The following RBMS3 variants were observed in gnomAD, a reference collection of about 807,000 sequenced individuals.
The protein encoded by RBMS3 is RNA binding motif single stranded interacting protein 3.
RBMS3 carries 27 observed loss-of-function variants against 66.8 expected under a neutral mutation model. The ratio of observed to expected loss-of-function variants is 0.40; its 90% CI spans 0.30 to 0.56. RBMS3 has a LOEUF of 0.56. Ranked by LOEUF, RBMS3 falls within the 20% of genes least tolerant of loss-of-function variation. RBMS3 has a pLI of 0.40. For synonymous variants in RBMS3, 188 were observed against 183.0 expected (o/e 1.03, Z -0.22); for missense variants, 513 against 549.5 (o/e 0.93, Z 0.66).
At chr3:29,516,587 T>C (rs2044636531) in intron 3 of RBMS3, among the ~76,000 whole-genome samples, 1 of 152,034 alleles carries the variant, frequency 6.6e-6, no homozygotes, top group Admixed American at 6.6e-5. Context: ...GGAACACAGG[T>C]GCATGCCACC....
At chr3:29,453,042 G>GA (rs2042065601) in intron 2 of RBMS3, among the ~76,000 whole-genome samples, 1 of 152,130 alleles carries the variant, frequency 6.6e-6, no homozygotes, top group Non-Finnish European at 1.5e-5. Context: ...ATACATTGGA[G>GA]AAAATCTACA....
intron 10 of RBMS3, chr3:29,926,971 AT>A: frequency 6.6e-6 from 1 of 152,220 alleles, no homozygotes; most frequent in Non-Finnish European, 1.5e-5. Context: ...CTTAACCTAC[AT>A]TTGTGGCAGT....
At chr3:29,363,426 G>A (rs2037717115) in intron 1 of RBMS3, among the ~76,000 whole-genome samples, 4 of 152,120 alleles carry the variant, frequency 2.6e-5, no homozygotes, top group Admixed American at 2.6e-4. Flanking sequence ...AATGTGAAAA[G>A]GATGATGAAG....
intron 12 of RBMS3, among the ~76,000 whole-genome samples, chr3:29,946,598 A>G (rs59524802): frequency 0.018 from 2,671 of 151,724 alleles, 95 homozygotes; most frequent in African/African-American, 0.061. Context: ...TCGTGATGTG[A>G]AATGCATAAA....
intron 1 of RBMS3, among the ~76,000 whole-genome samples, chr3:29,358,951 G>C (rs1345663583): frequency 1.3e-5 from 2 of 152,182 alleles, no homozygotes; most frequent in East Asian, 3.8e-4. Context: ...TTTGGGCTGA[G>C]ATGATGGGGT....
intron 1 of RBMS3, among the ~76,000 whole-genome samples, chr3:29,312,525 T>G (rs1221648850): frequency 6.6e-6 from 1 of 151,784 alleles, no homozygotes; most frequent in African/African-American, 2.4e-5. Context: ...ACCACAAATT[T>G]AAATCACTAA....
intron 6 of RBMS3, among the ~76,000 whole-genome samples, chr3:29,792,903 A>G (rs536515130): frequency 6.6e-6 from 1 of 152,304 alleles, no homozygotes; most frequent in Admixed American, 6.5e-5. Flanking sequence ...TGGACATGAC[A>G]TCCAAGTTAA....
At chr3:29,933,619 T>G (rs1166007177) in intron 10 of RBMS3, among the ~76,000 whole-genome samples, 2 of 152,142 alleles carry the variant, frequency 1.3e-5, no homozygotes, top group East Asian at 3.9e-4. Context: ...CTCTAGATTC[T>G]TACATATCCT....
At chr3:29,335,545 G>C (rs9849827) in intron 1 of RBMS3, among the ~76,000 whole-genome samples, 1 of 152,090 alleles carries the variant, frequency 6.6e-6, no homozygotes, top group East Asian at 1.9e-4. Context: ...GCTTAAAGCA[G>C]CTCTTTGCCA....
chr3:29,767,944 A>G (rs560850535), intron 6 of RBMS3, among the ~76,000 whole-genome samples: 1 of 152,096 alleles, frequency 6.6e-6, no homozygotes, highest in African/African-American at 2.4e-5. Context: ...GGTAACAAAT[A>G]AAAAATGCTA....
intron 6 of RBMS3, among the ~76,000 whole-genome samples, chr3:29,828,161 G>A (rs1481437595): frequency 2.6e-5 from 4 of 152,122 alleles, no homozygotes; most frequent in East Asian, 1.9e-4. Flanking sequence ...TATTAGCCGT[G>A]CTGTCCTGGA....
chr3:29,872,981 C>A (rs1378573831), intron 7 of RBMS3, among the ~76,000 whole-genome samples: 6 of 152,116 alleles, frequency 3.9e-5, no homozygotes, highest in Non-Finnish European at 5.9e-5. Flanking sequence ...GCACCATGCT[C>A]TTTTGGTTAC....
At chr3:29,549,617 C>G (rs1282828480) in intron 3 of RBMS3, among the ~76,000 whole-genome samples, 1 of 151,956 alleles carries the variant, frequency 6.6e-6, no homozygotes, top group Non-Finnish European at 1.5e-5. Context: ...TCAGGCTGGT[C>G]TCGAACACCT....
intron 6 of RBMS3, among the ~76,000 whole-genome samples, chr3:29,837,586 T>G (rs2149496719): frequency 6.9e-6 from 1 of 145,770 alleles, no homozygotes; most frequent in South Asian, 2.1e-4. Context: ...ATAATTCCAT[T>G]AATTAATGGT....
chr3:29,677,102 A>G (rs1003779216), intron 4 of RBMS3, among the ~76,000 whole-genome samples: 1 of 152,132 alleles, frequency 6.6e-6, no homozygotes, highest in South Asian at 2.1e-4. Context: ...TTAAACAACC[A>G]TATCTCAAGA....
In RBMS3 at chr3:29,670,917, G is replaced by A. The variant is rs940816085; in HGVS notation, c.400-68803G>A. On this transcript the variant is annotated intron_variant, in intron 4 of 14. Coordinates refer to ENST00000383767, the MANE Select transcript of RBMS3 (RefSeq NM_001003793.3). ...AAGAGAGCATTGCTTCTCTGAGCAC[G>A]GAGTTTGAGATCTGAGAATGGACAG... is the stretch of plus-strand genomic sequence containing the variant. Among the ~76,000 whole-genome samples, 5 of 152,172 alleles carry A rather than the reference G, an allele frequency of 3.3e-5. No homozygotes were observed. The South Asian group carries it at 8.3e-4, about 25-fold the overall frequency.
chr3:29,344,998 A>G (rs932444624), intron 1 of RBMS3, among the ~76,000 whole-genome samples: 2 of 152,158 alleles, frequency 1.3e-5, no homozygotes, highest in Admixed American at 1.3e-4. Context: ...CTTAATTATC[A>G]GTTGTTGAAT....
intron 1 of RBMS3, among the ~76,000 whole-genome samples, chr3:29,342,751 T>G (rs1234423553): frequency 6.6e-6 from 1 of 152,148 alleles, no homozygotes; most frequent in Non-Finnish European, 1.5e-5. Context: ...ACGTAGTGGT[T>G]GAATTACACA....
chr3:29,875,474 C>A (rs908847987), intron 7 of RBMS3, among the ~76,000 whole-genome samples: 3 of 151,758 alleles, frequency 2.0e-5, no homozygotes, highest in Non-Finnish European at 2.9e-5. Flanking sequence ...ACTTTAAACA[C>A]CACTAATAAA....
Sources: gnomAD v4.1 joint callset for allele counts (sites outside exome capture counted in the v4.1 genomes callset) on GRCh38, gnomAD v4.1.1 for gene constraint, MANE v1.5 for transcripts, NCBI Gene and HGNC (gene_info 2026-07-23, HGNC 2026-07-21) for gene names.